The following GNAL variants were observed in gnomAD, a reference collection of about 807,000 sequenced individuals.
The protein encoded by GNAL is guanine nucleotide-binding protein G(olf) subunit alpha.
In GNAL, 18 loss-of-function variants were observed where a neutral mutation model predicts 55.1. The observed-to-expected ratio is 0.33, with a 90% CI of 0.23 to 0.48. The LOEUF is 0.48. Among genes scored for constraint, GNAL ranks in the 20% least tolerant of loss-of-function variants. GNAL has a pLI of 0.99. For synonymous variants in GNAL, 253 were observed against 237.0 expected (o/e 1.07, Z -0.62); for missense variants, 412 against 614.1 (o/e 0.67, Z 3.48).
intron 1 of GNAL, chr18:11,702,273 C>G (rs1004352713): frequency 1.3e-5 from 2 of 152,288 alleles, no homozygotes; most frequent in African/African-American, 2.4e-5. Context: ...GAGCAAGACT[C>G]AGAACGCAAG....
At chr18:11,747,213 A>G in intron 1 of GNAL, 1 of 378,208 alleles carries the variant, frequency 2.6e-6, no homozygotes, top group Non-Finnish European at 5.2e-6. Context: ...AGAAATGAGA[A>G]CTCCAAAGAT....
intron 11 of GNAL, among the ~76,000 whole-genome samples, chr18:11,877,673 A>G (rs2036564404): frequency 1.3e-5 from 2 of 151,982 alleles, no homozygotes; most frequent in Admixed American, 1.3e-4. Flanking sequence ...ACGTGTGGAC[A>G]AGATCTTAGT....
At chr18:11,815,593 C>G (rs541199548) in intron 4 of GNAL, among the ~76,000 whole-genome samples, 15 of 152,224 alleles carry the variant, frequency 9.9e-5, no homozygotes, top group Admixed American at 2.0e-4. Context: ...CCCACCAGGC[C>G]CCACCTCCAA....
At chr18:11,753,228 TATA>T (rs201612334) in intron 2 of GNAL, among the ~76,000 whole-genome samples, 4,492 of 152,262 alleles carry the variant, frequency 0.03, 81 homozygotes, top group Middle Eastern at 0.044. Flanking sequence ...TTTTTTTCAA[TATA>T]ATATTATTTG....
chr18:11,759,856 T>G (rs1422635154), intron 4 of GNAL, among the ~76,000 whole-genome samples: 1 of 152,172 alleles, frequency 6.6e-6, no homozygotes, highest in Non-Finnish European at 1.5e-5. Context: ...TGTGTCTATC[T>G]CCTGCTAGAA....
intron 4 of GNAL, among the ~76,000 whole-genome samples, chr18:11,779,530 T>C (rs2033873182): frequency 6.6e-6 from 1 of 152,150 alleles, no homozygotes; most frequent in African/African-American, 2.4e-5. Flanking sequence ...TCTGGAATAA[T>C]GGGGTGTCCT....
intron 5 of GNAL, among the ~76,000 whole-genome samples, chr18:11,838,965 C>T (rs1183509939): frequency 5.3e-5 from 8 of 152,112 alleles, no homozygotes; most frequent in East Asian, 1.9e-4. Context: ...CCATGCAGTG[C>T]GTGACACAGT....
chr18:11,690,030 C>A lies in GNAL; in HGVS notation c.376+91C>A, dbSNP rs1176765030. The A allele has an allele frequency of 7.1e-6, 5 of 701,868 alleles. No individual in the cohort carries two copies. In the East Asian group the frequency reaches 1.9e-4, roughly 27 times the overall value. The allele number at this position is 701,868 out of a possible 1,614,324, so 43.5% of individuals were successfully genotyped here. On this transcript the variant is annotated intron_variant, in intron 1 of 11. Transcript: ENST00000334049. ...GGCACCGGGGAGCGGTGGCGGGCAC[C>A]GGGGAGCGGCGGCGGGAGGGGCTCC...
intron 4 of GNAL, among the ~76,000 whole-genome samples, chr18:11,823,902 A>G (rs980902033): frequency 5.9e-5 from 9 of 152,204 alleles, no homozygotes; most frequent in Non-Finnish European, 1.5e-5. Flanking sequence ...AATATTACCA[A>G]TATGAACTCA....
chr18:11,799,574 C>T (rs983311643), intron 4 of GNAL, among the ~76,000 whole-genome samples: 2 of 152,022 alleles, frequency 1.3e-5, no homozygotes, highest in Non-Finnish European at 2.9e-5. Context: ...TCAAAAGGCT[C>T]CAAAATCCTA....
chr18:11,786,468 A>G (rs2034063335), intron 4 of GNAL, among the ~76,000 whole-genome samples: 1 of 12,852 alleles, frequency 7.8e-5, no homozygotes, highest in Non-Finnish European at 1.7e-4. Context: ...TTTTTTTTTG[A>G]GATGGAGTCT....
At chr18:11,854,353 A>T (rs1020390412) in intron 5 of GNAL, 17 of 167,260 alleles carry the variant, frequency 1.0e-4, no homozygotes, top group African/African-American at 4.1e-4. Flanking sequence ...TTTCAAAAGC[A>T]CTACAGGCCC....
At chr18:11,821,858 A>C (rs930333973) in intron 4 of GNAL, among the ~76,000 whole-genome samples, 1 of 152,250 alleles carries the variant, frequency 6.6e-6, no homozygotes, top group African/African-American at 2.4e-5. Context: ...GGGCTGAAGC[A>C]CAAGGGCCTC....
Position 11,751,694 on chromosome 18 carries a change from GGCCGGTCAGCGTGTAAGCGCCCCA to G in GNAL, c.377-1153_377-1130del, listed in dbSNP as rs973834482. The stretch of plus-strand genomic sequence containing the variant: ...GGAGGGGCTGCGGGCCCGGAACCCA[GGCCGGTCAGCGTGTAAGCGCCCCA>G]GCCGGCCGGGCTCCGTGGGGGGTCA... On this transcript the variant is annotated intron_variant, in intron 1 of 11. Coordinates refer to ENST00000334049, the MANE Select transcript of GNAL (RefSeq NM_182978.4). This position sits in a 1 kb window ranked among gnomAD's most constrained non-coding sequence, Gnocchi z 4.5. 3 of 983,520 alleles carry G rather than the reference GGCCGGTCAGCGTGTAAGCGCCCCA, an allele frequency of 3.1e-6. No individual in the cohort carries two copies. The African/African-American group carries it at 5.2e-5, about 17-fold the overall frequency. The allele number at this position is 983,520 out of a possible 1,614,324, so 60.9% of individuals were successfully genotyped here. A position where few individuals can be genotyped will look rare whatever the true frequency, so the allele number is the denominator to read the frequency against.
At chr18:11,720,528 T>C (rs2032070672) in intron 1 of GNAL, among the ~76,000 whole-genome samples, 1 of 152,246 alleles carries the variant, frequency 6.6e-6, no homozygotes, top group African/African-American at 2.4e-5. Context: ...CTGCCAAATA[T>C]GGATGTCAGT....
intron 4 of GNAL, among the ~76,000 whole-genome samples, chr18:11,758,944 A>T (rs1388016260): frequency 3.3e-5 from 5 of 152,224 alleles, no homozygotes; most frequent in Non-Finnish European, 7.3e-5. Context: ...AGGCCAAGGC[A>T]GGTCAATCAC....
chr18:11,708,020 A>G (rs2031754086), intron 1 of GNAL, among the ~76,000 whole-genome samples: 1 of 152,182 alleles, frequency 6.6e-6, no homozygotes, highest in African/African-American at 2.4e-5. Flanking sequence ...TTAATCTTCT[A>G]TCCAGACCAC....
rs2036700590 is a variant in GNAL at position 11,881,797 on chromosome 18, GTCT to G, written c.*667_*669del. ...TAAACTTTCCCTATACTTAGGCATA[GTCT>G]TCTTTCTTAGATTCTCTTTGTTGTT... On this transcript the variant is annotated 3_prime_UTR_variant, in exon 12 of 12. Coordinates refer to ENST00000334049, the MANE Select transcript of GNAL (RefSeq NM_182978.4). The surrounding 1 kb of genome is among the most constrained non-coding windows in gnomAD (Gnocchi z 4.8). 6.6e-6 allele frequency: 1 copy of G among 152,526 alleles called. No homozygotes were observed. Among genetic ancestry groups the G allele is most frequent in the Admixed American group, 6.5e-5 (1 of 15,286 alleles). The allele number at this position is 152,526 out of a possible 1,614,324, so 9.4% of individuals were successfully genotyped here.
rs114176097 is a variant in GNAL at position 11,720,679 on chromosome 18, A to C, written c.376+30740A>C. 5.5e-3 allele frequency among the ~76,000 whole-genome samples: 833 copies of C among 152,338 alleles called. 6 individuals carry two copies. The highest frequency in any genetic ancestry group is 0.019 in the African/African-American group (776 of 41,568). On this transcript the variant is annotated intron_variant, in intron 1 of 11. Coordinates refer to ENST00000334049, the MANE Select transcript of GNAL (RefSeq NM_182978.4). Reference sequence around the variant, plus strand: ...CCACTTCCAATTGAAGTTGAAGTGGAAGCTTCTCAATTGCACAGTTAAATG... The same window carrying C: ...CCACTTCCAATTGAAGTTGAAGTGGCAGCTTCTCAATTGCACAGTTAAATG...
Sources: allele counts gnomAD v4.1 joint callset (sites outside exome capture counted in the v4.1 genomes callset), GRCh38; gene constraint gnomAD v4.1.1; non-coding constraint Gnocchi (gnomAD v3.1); transcripts MANE v1.5; gene names NCBI Gene and HGNC (gene_info 2026-07-23, HGNC 2026-07-21).